CYFIP2: variants seen among roughly 807,000 people sequenced by gnomAD.
The protein encoded by CYFIP2 is cytoplasmic FMR1 interacting protein 2, also known as cytoplasmic FMR1-interacting protein 2.
CYFIP2 carries 29 observed loss-of-function variants against 158.7 expected under a neutral mutation model. The ratio of observed to expected loss-of-function variants is 0.18; its 90% CI spans 0.14 to 0.25. CYFIP2 has a LOEUF of 0.25. Among genes scored for constraint, CYFIP2 ranks in the 10% least tolerant of loss-of-function variants. The probability of loss-of-function intolerance (pLI) is 1.00; values close to 1 mark genes in which losing one functional copy is unlikely to be tolerated. For synonymous variants in CYFIP2, 585 were observed against 617.6 expected (o/e 0.95, Z 0.78); for missense variants, 852 against 1,639.5 (o/e 0.52, Z 8.29).
At chr5:157,385,735 A>G (rs540716165) in intron 28 of CYFIP2, among the ~76,000 whole-genome samples, 1 of 152,310 alleles carries the variant, frequency 6.6e-6, no homozygotes, top group South Asian at 2.1e-4. Flanking sequence ...AGCAAATAAT[A>G]GAAGCATAAG....
rs564952992 is a variant in CYFIP2, at chr5:157,281,756, CA to C, written c.-23-3580del. ...TAAAATGTTTTGACGTTTTCAAAGT[CA>C]AATCTACAAAATAAGGCATATTCAA... On this transcript the variant is annotated intron_variant, in intron 1 of 30. Transcript: ENST00000620254. Among the ~76,000 whole-genome samples, 210 of 152,262 alleles carry C rather than the reference CA, an allele frequency of 1.4e-3. 1 individual carries two copies. The highest frequency in any genetic ancestry group is 4.9e-3 in the African/African-American group (203 of 41,548).
intron 5 of CYFIP2, 40 bp from the exon 6 acceptor site, chr5:157,300,675 G>A: frequency 6.9e-7 from 1 of 1,450,684 alleles, no homozygotes. Context: ...CCCCCATAAG[G>A]GAGCACAGTG....
chr5:157,300,587 T>C, intron 5 of CYFIP2, 128 bp from the exon 6 acceptor site: 1 of 788,672 alleles, frequency 1.3e-6, no homozygotes, highest in Non-Finnish European at 1.7e-6. Flanking sequence ...AGGACTCCTC[T>C]GAGAAAAATT....
At chr5:157,389,609 G>A (rs912173804) in intron 29 of CYFIP2, 182 bp downstream of exon 29, 4 of 589,052 alleles carry the variant, frequency 6.8e-6, no homozygotes, top group African/African-American at 5.6e-5. Context: ...GGGTTTGATA[G>A]TAAGACCCTC....
At chr5:157,366,516 TATTCACCTAGA>T (rs1171109644) in intron 26 of CYFIP2, among the ~76,000 whole-genome samples, 1 of 152,234 alleles carries the variant, frequency 6.6e-6, no homozygotes, top group Non-Finnish European at 1.5e-5. Flanking sequence ...AAGTCCATAT[TATTCACCTAGA>T]ATTGATGTTT....
At chr5:157,339,283 C>A in intron 22 of CYFIP2, 27 bp downstream of exon 22, 1 of 1,596,920 alleles carries the variant, frequency 6.3e-7, no homozygotes, top group Non-Finnish European at 8.6e-7. Context: ...GCAGAGGGGG[C>A]CGGGTGGGGG....
At chr5:157,290,115 C>T (rs950243640) in intron 3 of CYFIP2, among the ~76,000 whole-genome samples, 4 of 152,132 alleles carry the variant, frequency 2.6e-5, no homozygotes, top group Admixed American at 2.0e-4. Flanking sequence ...ACAGAGCAGT[C>T]GGAAGGAGGG....
At chr5:157,376,144 T>G in intron 26 of CYFIP2, 1 of 152,510 alleles carries the variant, frequency 6.6e-6, no homozygotes, top group East Asian at 1.9e-4. Flanking sequence ...ACAGCCATCA[T>G]TTCCTCATCC....
At chr5:157,364,214 T>TG (rs1384793910) in intron 26 of CYFIP2, 1 of 89,302 alleles carries the variant, frequency 1.1e-5, no homozygotes, top group East Asian at 3.4e-4. Flanking sequence ...CGGGGGGGGG[T>TG]GGGTCCCTGA....
intron 23 of CYFIP2, among the ~76,000 whole-genome samples, chr5:157,355,160 AT>A (rs67331409): frequency 0.21 from 32,453 of 151,902 alleles, 3,815 homozygotes; most frequent in African/African-American, 0.3. Context: ...AATAAAATGC[AT>A]TTTTTGGTGC....
chr5:157,307,395 G>A (rs759959023), intron 8 of CYFIP2, among the ~76,000 whole-genome samples: 2 of 152,134 alleles, frequency 1.3e-5, no homozygotes, highest in East Asian at 1.9e-4. Context: ...TGGCCTTGGC[G>A]AGCTGTCTAA....
intron 23 of CYFIP2, among the ~76,000 whole-genome samples, chr5:157,354,251 A>G (rs1259320997): frequency 6.6e-6 from 1 of 152,182 alleles, no homozygotes; most frequent in Non-Finnish European, 1.5e-5. Context: ...GTGGATTTAA[A>G]TAAGCTTAAT....
Position 157,335,115 on chromosome 5 carries a change from A to C in CYFIP2, c.2385+1669A>C, listed in dbSNP as rs77949315. On this transcript the variant is annotated intron_variant, in intron 21 of 30. Transcript: ENST00000620254. ...ACTCTAACATCATACCTAGGGTCCC[A>C]GTCCTCTCCCTGCTACTTACTAGCT... 4.6e-3 allele frequency among the ~76,000 whole-genome samples: 696 copies of C among 152,360 alleles called. 6 individuals carry two copies. Among genetic ancestry groups the C allele is most frequent in the African/African-American group, 0.016 (655 of 41,578 alleles).
intron 26 of CYFIP2, among the ~76,000 whole-genome samples, chr5:157,371,510 C>T (rs1433309245): frequency 6.6e-6 from 1 of 152,104 alleles, no homozygotes; most frequent in African/African-American, 2.4e-5. Flanking sequence ...GAGTCTAATG[C>T]CATTCTGCAT....
intron 26 of CYFIP2, among the ~76,000 whole-genome samples, chr5:157,367,502 T>G (rs963335941): frequency 2.6e-5 from 4 of 152,176 alleles, no homozygotes; most frequent in Admixed American, 1.3e-4. Context: ...AGATGTGCCT[T>G]GGAGTCCAAA....
At chr5:157,388,065 A>AAC (rs1766874326) in intron 28 of CYFIP2, among the ~76,000 whole-genome samples, 1 of 152,172 alleles carries the variant, frequency 6.6e-6, no homozygotes, top group Non-Finnish European at 1.5e-5. Flanking sequence ...CTCCTTGGTG[A>AAC]AACCTCCCAC....
Position 157,326,283 on chromosome 5 carries a change from C to T in CYFIP2, c.2079+16C>T, listed in dbSNP as rs1392539733. 6.3e-7 allele frequency: 1 copy of T among 1,593,450 alleles called. No homozygotes were observed. The highest frequency in any genetic ancestry group is 8.6e-7 in the Non-Finnish European group (1 of 1,161,272). ...AGAAGCTGAGGCAAGTGATGTGCTT[C>T]TCTTTTTGCTCCTTTAATCTTGTTC... On this transcript the variant is annotated intron_variant, in intron 18 of 30. Transcript: ENST00000620254.
In CYFIP2 at chr5:157,311,764, C is replaced by A; in HGVS notation, c.1093C>A (p.Arg365Ser). The change falls in exon 11 of 31, where the codon CGC becomes AGC. Residue 365 changes from arginine to serine, a missense_variant. By Grantham distance (110) the Arg-to-Ser change is moderately radical. Around this residue, in one of 8 missense-constraint regions of CYFIP2, gnomAD observed 133 missense variants for 197.1 expected, o/e 0.67. Transcript: ENST00000620254. The surrounding 1 kb of genome is among the most constrained non-coding windows in gnomAD (Gnocchi z 4.7). ...CATCCGCTTCATCTCCGAGCTCGCTCGCTACAGCAACAGTGAGGTGAGCAT... is the reference window on the plus strand; with the variant it reads ...CATCCGCTTCATCTCCGAGCTCGCTAGCTACAGCAACAGTGAGGTGAGCAT... ...DHIRFISELA[R>S]YSNSEVVTGS... 1.3e-6 allele frequency: 2 copies of A among 1,598,022 alleles called. No individual in the cohort carries two copies. Among genetic ancestry groups the A allele is most frequent in the East Asian group, 2.3e-5 (1 of 44,104 alleles).
rs574557520 is a variant in CYFIP2 at position 157,343,032 on chromosome 5, C to A, written c.2673+1875C>A. ...CCCTGCAGGTCTTCCTCCCTCTGAC[C>A]AAGATCCGGGGCCTCCTCTGGCCAT... On this transcript the variant is annotated intron_variant, in intron 23 of 30. Coordinates refer to ENST00000620254, the MANE Select transcript of CYFIP2 (RefSeq NM_001037333.3). 11 of 1,614,096 alleles carry A rather than the reference C, an allele frequency of 6.8e-6. No individual in the cohort carries two copies. The African/African-American group carries it at 1.5e-4, about 22-fold the overall frequency.
Sources: allele counts gnomAD v4.1 joint callset (sites outside exome capture counted in the v4.1 genomes callset), GRCh38; gene constraint gnomAD v4.1.1; regional missense constraint gnomAD v4.1.1; non-coding constraint Gnocchi (gnomAD v3.1); transcripts MANE v1.5; gene names NCBI Gene and HGNC (gene_info 2026-07-23, HGNC 2026-07-21).